SEMA3D: variants seen among roughly 807,000 people sequenced by gnomAD.
SEMA3D encodes the protein semaphorin-3D.
A neutral mutation model predicts 100.1 loss-of-function variants in SEMA3D; 84 were observed. The ratio of observed to expected loss-of-function variants is 0.84; its 90% CI spans 0.70 to 1.01. The LOEUF is 1.01. Ranked by LOEUF, SEMA3D falls within the 50% of genes least tolerant of loss-of-function variation. SEMA3D has a pLI of 0.00. For missense variants in SEMA3D, 875 were observed against 934.1 expected (o/e 0.94, Z 0.82); for synonymous variants, 312 against 320.7 (o/e 0.97, Z 0.29).
At chr7:85,159,705 G>A (rs972010436) in intron 1 of SEMA3D, among the ~76,000 whole-genome samples, 3 of 152,156 alleles carry the variant, frequency 2.0e-5, no homozygotes, top group African/African-American at 4.8e-5. Context: ...AATCATCGTA[G>A]TGCTGAACTC....
chr7:85,018,393 C>T, intron 14 of SEMA3D, 100 bp from the exon 15 acceptor site: 1 of 741,862 alleles, frequency 1.3e-6, no homozygotes, highest in South Asian at 1.6e-5. Flanking sequence ...CTGAAGTAAA[C>T]ATCAAGTCTC....
At chr7:85,083,757 G>A (rs1355473246) in intron 4 of SEMA3D, among the ~76,000 whole-genome samples, 1 of 151,562 alleles carries the variant, frequency 6.6e-6, no homozygotes, top group African/African-American at 2.4e-5. Flanking sequence ...TGAGGCAGGA[G>A]AATGGCGTGA....
At chr7:85,099,370 C>T (rs1319003358) in intron 3 of SEMA3D, among the ~76,000 whole-genome samples, 1 of 151,956 alleles carries the variant, frequency 6.6e-6, no homozygotes, top group Non-Finnish European at 1.5e-5. Context: ...TCTCTCTTGT[C>T]TGCCACCATG....
intron 17 of SEMA3D, among the ~76,000 whole-genome samples, chr7:85,009,161 ATTGTGGAGTTTTT>A (rs1486544002): frequency 6.6e-6 from 1 of 151,608 alleles, no homozygotes; most frequent in Non-Finnish European, 1.5e-5. Context: ...ATGTAAGATA[ATTGTGGAGTTTTT>A]TTTTCCTCTA....
intron 2 of SEMA3D, among the ~76,000 whole-genome samples, chr7:85,143,755 T>C (rs1790121379): frequency 6.6e-6 from 1 of 151,340 alleles, no homozygotes; most frequent in Non-Finnish European, 1.5e-5. Flanking sequence ...GGAGTCTTGC[T>C]CTATCACCCA....
At chr7:85,137,066 C>A (rs1789888431) in intron 2 of SEMA3D, among the ~76,000 whole-genome samples, 1 of 151,892 alleles carries the variant, frequency 6.6e-6, no homozygotes, top group South Asian at 2.1e-4. Context: ...CATACATAGA[C>A]TTTTTTCTTT....
the SEMA3D span, among the ~76,000 whole-genome samples, chr7:85,247,823 C>T: frequency 1.3e-5 from 2 of 152,142 alleles, no homozygotes; most frequent in African/African-American, 2.4e-5. Context: ...ACAAATTATG[C>T]AAGAACAGCT....
At chr7:85,211,080 T>C in the SEMA3D span, among the ~76,000 whole-genome samples, 9 of 152,158 alleles carry the variant, frequency 5.9e-5, no homozygotes, top group African/African-American at 2.2e-4. Context: ...ATTCCCTGAT[T>C]CTCTACAGTT....
chr7:85,055,827 C>G lies in SEMA3D; in HGVS notation c.751G>C (p.Asp251His). The change falls in exon 9 of 19, where the codon GAC (aspartate) becomes CAC (histidine). Residue 251 changes from aspartate (D) to histidine (H), a missense_variant. Transcript: ENST00000284136. ...TTATCATCATCTGGATTGTAGGTGT[C>G]TGGTATGAAGAAAGTTCCAATAAAT... ...AKFIGTFFIP[D>H]TYNPDDDKIY... 6.3e-7 allele frequency: 1 copy of G among 1,575,264 alleles called. No individual in the cohort carries two copies.
chr7:85,235,641 A>C, the SEMA3D span, among the ~76,000 whole-genome samples: 1 of 152,218 alleles, frequency 6.6e-6, no homozygotes, highest in African/African-American at 2.4e-5. Flanking sequence ...GGTGAAAGAT[A>C]AAGCAATTTA....
intron 2 of SEMA3D, among the ~76,000 whole-genome samples, chr7:85,147,656 C>A (rs1790255353): frequency 6.6e-6 from 1 of 151,986 alleles, no homozygotes. Flanking sequence ...TCTTAAGAAT[C>A]AATTTTTTCA....
chr7:85,151,928 C>T (rs1790438799), intron 2 of SEMA3D, among the ~76,000 whole-genome samples: 1 of 151,814 alleles, frequency 6.6e-6, no homozygotes. Flanking sequence ...GTATTATATA[C>T]CTTGAGATGC....
chr7:85,135,599 T>A (rs1486840730), intron 2 of SEMA3D, among the ~76,000 whole-genome samples: 1 of 151,762 alleles, frequency 6.6e-6, no homozygotes, highest in Non-Finnish European at 1.5e-5. Flanking sequence ...GGCACATGTA[T>A]ACATATGTAA....
At chr7:85,022,982 A>G (rs1293552856) in intron 12 of SEMA3D, among the ~76,000 whole-genome samples, 1 of 151,936 alleles carries the variant, frequency 6.6e-6, no homozygotes. Flanking sequence ...ATTATTTTCA[A>G]TTTCCTTTGA....
chr7:85,189,106 C>T (rs939409429), upstream of SEMA3D, among the ~76,000 whole-genome samples: 4 of 152,058 alleles, frequency 2.6e-5, no homozygotes, highest in Non-Finnish European at 5.9e-5. Flanking sequence ...CTGTGCTTTC[C>T]TTCCTTTTAA....
intron 12 of SEMA3D, among the ~76,000 whole-genome samples, chr7:85,033,982 G>A (rs899012810): frequency 5.3e-5 from 8 of 151,802 alleles, no homozygotes; most frequent in Admixed American, 3.9e-4. Context: ...GTTATTGTAA[G>A]AACAATGACC....
At chr7:85,027,835 A>G in intron 12 of SEMA3D, 2 of 520,708 alleles carry the variant, frequency 3.8e-6, no homozygotes, top group Non-Finnish European at 7.5e-6. Flanking sequence ...TCTGTGTCTA[A>G]GTGACCTGCA....
At chr7:85,184,841 A>AC (rs1440599654) in intron 1 of SEMA3D, among the ~76,000 whole-genome samples, 1 of 151,918 alleles carries the variant, frequency 6.6e-6, no homozygotes, top group Non-Finnish European at 1.5e-5. Context: ...CAGCGATGGC[A>AC]CCCCTGACCC....
At chr7:85,094,920 C>T (rs1346780372) in intron 4 of SEMA3D, among the ~76,000 whole-genome samples, 2 of 151,700 alleles carry the variant, frequency 1.3e-5, no homozygotes, top group Non-Finnish European at 2.9e-5. Context: ...TAGAAATAGT[C>T]CTTCCTCTCA....
Sources: allele counts gnomAD v4.1 joint callset (sites outside exome capture counted in the v4.1 genomes callset), GRCh38; gene constraint gnomAD v4.1.1; transcripts MANE v1.5; gene names NCBI Gene and HGNC (gene_info 2026-07-23, HGNC 2026-07-21).